Variants in CFAP74 observed in about 807,000 individuals in gnomAD.
CFAP74 encodes cilia and flagella associated protein 74.
A neutral mutation model predicts 188.9 loss-of-function variants in CFAP74; 124 were observed. The observed-to-expected ratio is 0.66, with a 90% CI of 0.57 to 0.76. The LOEUF (loss-of-function observed/expected upper bound fraction) is 0.76, where lower values mean the gene tolerates loss of function less well. Ranked by LOEUF, CFAP74 falls within the 30% of genes least tolerant of loss-of-function variation. CFAP74 has a pLI of 0.00. For synonymous variants in CFAP74, 956 were observed against 916.7 expected, an observed-to-expected ratio of 1.04 and a Z score of -0.77; for missense variants, 2,198 against 2,165.2, an observed-to-expected ratio of 1.02 and a Z score of -0.30.
intron 1 of CFAP74, among the ~76,000 whole-genome samples, chr1:2,001,182 T>C (rs990487457): frequency 4.0e-4 from 61 of 152,016 alleles, no homozygotes; most frequent in African/African-American, 1.4e-3. Flanking sequence ...CCAGGTGTGG[T>C]CCAGCAGAGG....
chr1:1,944,051 AC>A (rs753345041), intron 21 of CFAP74, among the ~76,000 whole-genome samples: 1 of 151,674 alleles, frequency 6.6e-6, no homozygotes, highest in Non-Finnish European at 1.5e-5. Flanking sequence ...ATCACCCCCC[AC>A]CAAGGTCCCT....
At position 1,930,060 on chromosome 1, in the gene CFAP74, C is replaced by A; in HGVS notation, c.3288G>T (p.Lys1096Asn). ...GCCTGCATGTGGGGCCCACACCCAC[C>A]TTTCCTGGCCACACGGTCCCCACTG... ...SPSVGTVWPG[K>N]RCLVQVAFRP... Residue 1096 changes from lysine (K) to asparagine (N), a missense_variant and splice_region_variant, in exon 26 of 39, where the codon AAG becomes AAT. Lys to Asn is a moderately conservative substitution (Grantham distance 94). Transcript: ENST00000682832. The A allele has an allele frequency of 6.6e-7, 1 of 1,512,610 alleles. No homozygotes were observed. Among genetic ancestry groups the A allele is most frequent in the Non-Finnish European group, 8.8e-7 (1 of 1,130,432 alleles). 93.7% of individuals were successfully genotyped at this position (1,512,610 alleles called of 1,614,324 possible).
chr1:1,970,965 C>T (rs1655939165), intron 9 of CFAP74, 149 bp from the exon 10 acceptor site: 1 of 922,140 alleles, frequency 1.1e-6, no homozygotes. Context: ...GCACACATCA[C>T]ACATGCACAC....
intron 25 of CFAP74, among the ~76,000 whole-genome samples, chr1:1,930,622 C>T (rs957456336): frequency 1.1e-4 from 17 of 152,160 alleles, no homozygotes; most frequent in African/African-American, 1.9e-4. Flanking sequence ...AGTGGCACTA[C>T]GACAGCTCAC....
rs770636005 is a variant in CFAP74 at position 1,963,768 on chromosome 1, G to A, written c.1675C>T (p.Arg559Trp). ...TCTTACTCAACGTGGATGAAGTCCC[G>A]GAGGTGCTCCTCCACGCCCACCAGC... ...CKLVGVEEHL[R>W]DFIHVDFDPP... The change falls in exon 14 of 39, where the codon CGG (arginine) becomes TGG (tryptophan). Residue 559 changes from arginine (R) to tryptophan (W), a missense_variant. Transcript: ENST00000682832. 2.0e-5 allele frequency: 33 copies of A among 1,612,636 alleles called. 1 individual carries two copies. Among genetic ancestry groups the A allele is most frequent in the South Asian group, 3.3e-5 (3 of 91,020 alleles).
intron 21 of CFAP74, among the ~76,000 whole-genome samples, 162 bp downstream of exon 21, chr1:1,944,169 G>C (rs1176591482): frequency 6.6e-6 from 1 of 152,108 alleles, no homozygotes; most frequent in Non-Finnish European, 1.5e-5. Flanking sequence ...CTGGCCACTG[G>C]GGGGCTCACC....
chr1:1,923,769 C>T lies in CFAP74; in HGVS notation c.4389+6G>A, dbSNP rs1236638193. The T allele has an allele frequency of 1.2e-6, 2 of 1,613,132 alleles. No homozygotes were observed. The highest frequency in any genetic ancestry group is 1.3e-5 in the African/African-American group (1 of 74,882). On this transcript the variant is annotated splice_donor_region_variant and intron_variant, in intron 35 of 38. Coordinates refer to ENST00000682832, the MANE Select transcript of CFAP74 (RefSeq NM_001304360.2). The surrounding 1 kb of genome is among the most constrained non-coding windows in gnomAD (Gnocchi z 6.3). ...CCGGGCTGAGCTTGCAGAGCCAGAG[C>T]CGCACCTTTTCAAAGAGCACCACCT...
chr1:1,991,708 A>G (rs964296199), intron 1 of CFAP74, among the ~76,000 whole-genome samples: 1 of 152,154 alleles, frequency 6.6e-6, no homozygotes, highest in African/African-American at 2.4e-5. Context: ...GGAAATATGA[A>G]TCAAGCCATA....
chr1:1,925,653 A>G, intron 33 of CFAP74, 130 bp downstream of exon 33: 1 of 940,646 alleles, frequency 1.1e-6, no homozygotes, highest in Non-Finnish European at 1.6e-6. Flanking sequence ...GAGGAGGGGT[A>G]GAGGGGGCCA....
rs1570989102 is a variant in CFAP74 at position 1,991,038 on chromosome 1, A to T, written c.-19-63T>A. 4.3e-6 allele frequency: 5 copies of T among 1,167,004 alleles called. No individual in the cohort carries two copies. In the South Asian group the frequency reaches 7.1e-5, roughly 16 times the overall value. 72.3% of individuals were successfully genotyped at this position (1,167,004 alleles called of 1,614,324 possible). A position where few individuals can be genotyped will look rare whatever the true frequency, so the allele number is the denominator to read the frequency against. ...CATAGATTTAAAAGACGGTGAATTA[A>T]CCATTTCTCTTAAAGAAGGCATTAA... is the stretch of plus-strand genomic sequence containing the variant. On this transcript the variant is annotated intron_variant, in intron 1 of 38. Coordinates refer to ENST00000682832, the MANE Select transcript of CFAP74 (RefSeq NM_001304360.2).
In CFAP74 at chr1:1,925,940, T is replaced by TA. The variant is rs778832950; in HGVS notation, c.3949-3dup. On this transcript the variant is annotated splice_polypyrimidine_tract_variant and splice_region_variant and intron_variant, in intron 32 of 38. Transcript: ENST00000682832. ...GATGATGTCCAGTGTTTCTTGAGCC[T>TA]AAAGAGACCACATCGCTCAGCCAGG... The TA allele has an allele frequency of 1.5e-5, 24 of 1,601,638 alleles. No homozygotes were observed. In the South Asian group the frequency reaches 2.7e-4, roughly 18 times the overall value.
intron 22 of CFAP74, among the ~76,000 whole-genome samples, chr1:1,941,079 C>T (rs752974626): frequency 4.0e-5 from 6 of 151,744 alleles, no homozygotes; most frequent in Non-Finnish European, 7.3e-5. Flanking sequence ...TGCCACTGCA[C>T]TCCAGCCTGG....
rs1202748397 is a variant in CFAP74 at position 1,947,101 on chromosome 1, C to T, written c.2177-47G>A. ...GAGGTGAGGGTTGGCAGGGTGGAGG[C>T]AGTGTGGCCCAGGCCCCCTTGGGAC... is the stretch of plus-strand genomic sequence containing the variant. On this transcript the variant is annotated intron_variant, in intron 18 of 38. Coordinates refer to ENST00000682832, the MANE Select transcript of CFAP74 (RefSeq NM_001304360.2). 3.7e-6 allele frequency: 5 copies of T among 1,368,750 alleles called. No individual in the cohort carries two copies. The African/African-American group carries it at 7.2e-5, about 20-fold the overall frequency. The allele number at this position is 1,368,750 out of a possible 1,614,324, so 84.8% of individuals were successfully genotyped here. A position where few individuals can be genotyped will look rare whatever the true frequency, so the allele number is the denominator to read the frequency against.
chr1:1,941,194 C>T (rs369212162), intron 22 of CFAP74, among the ~76,000 whole-genome samples: 165 of 152,286 alleles, frequency 1.1e-3, no homozygotes, highest in African/African-American at 3.6e-3. Context: ...GACAGGCGGC[C>T]GGCGGGGGCA....
rs1329292638 is a variant in CFAP74, at chr1:1,923,307, T to G, written c.4522+60A>C. The G allele has an allele frequency of 3.3e-6, 5 of 1,518,986 alleles. No homozygotes were observed. The highest frequency in any genetic ancestry group is 4.4e-6 in the Non-Finnish European group (5 of 1,127,336). The allele number at this position is 1,518,986 out of a possible 1,614,324, so 94.1% of individuals were successfully genotyped here. On this transcript the variant is annotated intron_variant, in intron 36 of 38. Transcript: ENST00000682832. This position sits in a 1 kb window ranked among gnomAD's most constrained non-coding sequence, Gnocchi z 6.3. Reference sequence around the variant, plus strand: ...GCTCCGCTGGGTCTCGGGGCCCCCATCCACGGGACAGGGGCACCGGGAGGC... The same window carrying G: ...GCTCCGCTGGGTCTCGGGGCCCCCAGCCACGGGACAGGGGCACCGGGAGGC...
In CFAP74 at chr1:1,975,058, G is replaced by C. The variant is rs567755218; in HGVS notation, c.501-860C>G. Reference sequence around the variant, plus strand: ...ACCCTGGACAAGGTCAGACGCAGGCGTTGAGCCGGCATCCTCACTGCATTG... The same window carrying C: ...ACCCTGGACAAGGTCAGACGCAGGCCTTGAGCCGGCATCCTCACTGCATTG... On this transcript the variant is annotated intron_variant, in intron 6 of 38. Coordinates refer to ENST00000682832, the MANE Select transcript of CFAP74 (RefSeq NM_001304360.2). The surrounding 1 kb of genome is among the most constrained non-coding windows in gnomAD (Gnocchi z 4.5). 2.6e-5 allele frequency among the ~76,000 whole-genome samples: 4 copies of C among 152,246 alleles called. No individual in the cohort carries two copies. Among genetic ancestry groups the C allele is most frequent in the African/African-American group, 7.2e-5 (3 of 41,460 alleles).
At chr1:1,988,439 C>T in intron 4 of CFAP74, 73 bp downstream of exon 4, 1 of 1,579,244 alleles carries the variant, frequency 6.3e-7, no homozygotes, top group Non-Finnish European at 8.6e-7. Context: ...TACAGGACCA[C>T]CCCTGCTGCA....
Position 1,970,650 on chromosome 1 carries a change from C to A in CFAP74, c.1046+9G>T, listed in dbSNP as rs1031462100. 6.2e-7 allele frequency: 1 copy of A among 1,600,220 alleles called. No homozygotes were observed. Among genetic ancestry groups the A allele is most frequent in the Non-Finnish European group, 8.5e-7 (1 of 1,173,554 alleles). On this transcript the variant is annotated intron_variant, in intron 10 of 38. Transcript: ENST00000682832. Reference sequence around the variant, plus strand: ...TGCCTCCCGGTGGCACCTCTGCCACCACCCTCACCTCTTCTGGGCCTCCAG... The same window carrying A: ...TGCCTCCCGGTGGCACCTCTGCCACAACCCTCACCTCTTCTGGGCCTCCAG...
At chr1:1,957,067 A>G (rs929659867) in intron 16 of CFAP74, among the ~76,000 whole-genome samples, 7 of 152,204 alleles carry the variant, frequency 4.6e-5, no homozygotes, top group Non-Finnish European at 8.8e-5. Flanking sequence ...GGGCCTAAAC[A>G]AGGAGCCTGG....
Sources: gnomAD v4.1 joint callset for allele counts (sites outside exome capture counted in the v4.1 genomes callset) on GRCh38, gnomAD v4.1.1 for gene constraint, Gnocchi (gnomAD v3.1) non-coding constraint, MANE v1.5 for transcripts, NCBI Gene and HGNC (gene_info 2026-07-23, HGNC 2026-07-21) for gene names.